Variants in PHTF1 observed in about 807,000 individuals in gnomAD.
PHTF1 encodes protein PHTF1.
PHTF1 carries 88 observed loss-of-function variants against 102.4 expected under a neutral mutation model. The observed-to-expected ratio is 0.86, with a 90% CI of 0.72 to 1.03. The LOEUF (loss-of-function observed/expected upper bound fraction) is 1.03, where lower values mean the gene tolerates loss of function less well. Among genes scored for constraint, PHTF1 ranks in the 50% least tolerant of loss-of-function variants. PHTF1 has a pLI of 0.00. For missense variants in PHTF1, 814 were observed against 909.5 expected, an observed-to-expected ratio of 0.89 and a Z score of 1.35; for synonymous variants, 289 against 305.2, an observed-to-expected ratio of 0.95 and a Z score of 0.55.
At position 113,711,930 on chromosome 1, in the gene PHTF1, T is replaced by C. The variant is rs371845270; in HGVS notation, c.957+10A>G. 32 of 1,611,052 alleles carry C rather than the reference T, an allele frequency of 2.0e-5. No individual in the cohort carries two copies. In the African/African-American group the frequency reaches 3.5e-4, roughly 17 times the overall value. On this transcript the variant is annotated intron_variant, in intron 9 of 18. Coordinates refer to ENST00000369604, the MANE Select transcript of PHTF1 (RefSeq NM_001323043.2). ...AGTCCTATACTTTCATAAACTAAAA[T>C]AGAAATTACCTGAGAGTTTAGGTGC...
intron 7 of PHTF1, among the ~76,000 whole-genome samples, chr1:113,724,511 A>C (rs959809705): frequency 1.3e-5 from 2 of 149,960 alleles, no homozygotes; most frequent in African/African-American, 5.0e-5. Context: ...ATTGCACTCC[A>C]GCCTGGGTGA....
At chr1:113,725,245 CT>C (rs1357655323) in intron 6 of PHTF1, 5 of 165,796 alleles carry the variant, frequency 3.0e-5, no homozygotes, top group African/African-American at 1.2e-4. Flanking sequence ...GAATCTACCT[CT>C]TATGGCACAT....
intron 2 of PHTF1, among the ~76,000 whole-genome samples, chr1:113,758,035 G>A (rs1341079922): frequency 6.6e-6 from 1 of 151,890 alleles, no homozygotes; most frequent in East Asian, 1.9e-4. Context: ...GGTGGCTCAC[G>A]CCTGTAGTTT....
intron 15 of PHTF1, among the ~76,000 whole-genome samples, chr1:113,703,362 A>G (rs1649653831): frequency 6.6e-6 from 1 of 152,224 alleles, no homozygotes; most frequent in African/African-American, 2.4e-5. Flanking sequence ...AAAAAATATA[A>G]GATAAACCTG....
At chr1:113,750,299 TGAG>T (rs1657861953) in intron 3 of PHTF1, among the ~76,000 whole-genome samples, 1 of 152,164 alleles carries the variant, frequency 6.6e-6, no homozygotes, top group Non-Finnish European at 1.5e-5. Flanking sequence ...TCATCTTTAA[TGAG>T]GAGTGTCAGT....
chr1:113,735,648 T>TA (rs1199589552), intron 5 of PHTF1, among the ~76,000 whole-genome samples: 1 of 152,136 alleles, frequency 6.6e-6, no homozygotes, highest in Admixed American at 6.5e-5. Context: ...AAGTAGCTAC[T>TA]ATACTGGGCA....
chr1:113,742,315 A>G (rs572747329), intron 3 of PHTF1, among the ~76,000 whole-genome samples: 1 of 152,332 alleles, frequency 6.6e-6, no homozygotes, highest in South Asian at 2.1e-4. Context: ...TAAAAAAGGT[A>G]CAGTAAAAAT....
At chr1:113,711,440 T>C (rs1440053203) in intron 10 of PHTF1, among the ~76,000 whole-genome samples, 1 of 152,208 alleles carries the variant, frequency 6.6e-6, no homozygotes, top group Non-Finnish European at 1.5e-5. Flanking sequence ...ATCAATCCAA[T>C]TTATGATGTT....
At chr1:113,757,294 G>A (rs1659034979) in intron 3 of PHTF1, among the ~76,000 whole-genome samples, 1 of 152,180 alleles carries the variant, frequency 6.6e-6, no homozygotes, top group African/African-American at 2.4e-5. Flanking sequence ...GGAGGAGGAG[G>A]AAGAGAAGGA....
chr1:113,733,362 A>G (rs1655000138), intron 5 of PHTF1, among the ~76,000 whole-genome samples: 1 of 152,100 alleles, frequency 6.6e-6, no homozygotes, highest in Non-Finnish European at 1.5e-5. Context: ...TCTATTTCAA[A>G]GAACAAATCC....
chr1:113,724,986 C>T, intron 6 of PHTF1, 93 bp from the exon 7 acceptor site: 1 of 834,392 alleles, frequency 1.2e-6, no homozygotes, highest in Admixed American at 2.7e-5. Context: ...TGACAAATTA[C>T]TACCTTAAAT....
chr1:113,720,281 C>T (rs528774429), intron 7 of PHTF1, among the ~76,000 whole-genome samples: 2 of 152,180 alleles, frequency 1.3e-5, no homozygotes, highest in Admixed American at 1.3e-4. Context: ...CACTGAAGCA[C>T]CCAGATACAT....
At chr1:113,709,286 A>T (rs1159261049) in intron 11 of PHTF1, among the ~76,000 whole-genome samples, 4 of 152,212 alleles carry the variant, frequency 2.6e-5, no homozygotes, top group Non-Finnish European at 4.4e-5. Flanking sequence ...TTCATTTTTT[A>T]AAAATTATAT....
chr1:113,722,128 T>G (rs1427394400), intron 7 of PHTF1, among the ~76,000 whole-genome samples: 1 of 151,920 alleles, frequency 6.6e-6, no homozygotes, highest in Non-Finnish European at 1.5e-5. Context: ...ATCTCTATAA[T>G]GAAAACTATA....
intron 10 of PHTF1, among the ~76,000 whole-genome samples, chr1:113,710,749 C>T (rs1055121043): frequency 6.6e-6 from 1 of 150,392 alleles, no homozygotes; most frequent in African/African-American, 2.5e-5. Flanking sequence ...CTGCCTCAGC[C>T]TCCTGAGTAG....
intron 3 of PHTF1, chr1:113,746,966 G>T: frequency 4.9e-6 from 1 of 202,072 alleles, no homozygotes; most frequent in Non-Finnish European, 8.8e-6. Context: ...TACTGTTGAA[G>T]ATGAGGAAAT....
chr1:113,710,127 T>C (rs1283168129), intron 11 of PHTF1, 127 bp downstream of exon 11: 1 of 711,446 alleles, frequency 1.4e-6, no homozygotes, highest in African/African-American at 1.8e-5. Context: ...TTTCCTCACC[T>C]CTAAACTGGG....
chr1:113,710,659 C>T (rs1207985677), intron 10 of PHTF1, among the ~76,000 whole-genome samples, 184 bp from the exon 11 acceptor site: 1 of 151,580 alleles, frequency 6.6e-6, no homozygotes, highest in South Asian at 2.1e-4. Flanking sequence ...GATACAGGGT[C>T]GCGCTCTGTC....
intron 3 of PHTF1, among the ~76,000 whole-genome samples, chr1:113,756,062 G>C (rs1417804646): frequency 7.2e-6 from 1 of 139,388 alleles, no homozygotes; most frequent in Non-Finnish European, 1.5e-5. Flanking sequence ...GCGAGACTCT[G>C]TCTCAAAAAA....
Sources: gnomAD v4.1 joint callset for allele counts (sites outside exome capture counted in the v4.1 genomes callset) on GRCh38, gnomAD v4.1.1 for gene constraint, MANE v1.5 for transcripts, NCBI Gene and HGNC (gene_info 2026-07-23, HGNC 2026-07-21) for gene names.